The following LRP1B variants were observed in gnomAD, a reference collection of about 807,000 sequenced individuals.
The protein encoded by LRP1B is LDL receptor related protein 1B.
LRP1B carries 217 observed loss-of-function variants against 556.6 expected under a neutral mutation model. The observed-to-expected ratio is 0.39, with a 90% confidence interval of 0.35 to 0.44. The LOEUF (loss-of-function observed/expected upper bound fraction) is 0.44, where lower values mean the gene tolerates loss of function less well. Ranked by LOEUF, LRP1B falls within the 20% of genes least tolerant of loss-of-function variation. The probability of loss-of-function intolerance (pLI) is 1.00; values close to 1 mark genes in which losing one functional copy is unlikely to be tolerated. For synonymous variants in LRP1B, 2,047 were observed against 1,865.8 expected (o/e 1.10, Z -2.50); for missense variants, 5,053 against 5,620.8 (o/e 0.90, Z 3.23).
chr2:140,382,731 C>T (rs1051476808), intron 67 of LRP1B, among the ~76,000 whole-genome samples: 3 of 152,182 alleles, frequency 2.0e-5, no homozygotes, highest in African/African-American at 7.2e-5. Flanking sequence ...ATCTCCAACA[C>T]AATTTAAAAA....
chr2:141,173,328 C>A (rs1381977728), intron 7 of LRP1B, among the ~76,000 whole-genome samples: 3 of 152,082 alleles, frequency 2.0e-5, no homozygotes, highest in Non-Finnish European at 4.4e-5. Flanking sequence ...CTTCCATCCT[C>A]ACATAAACCA....
At chr2:141,173,252 A>G (rs967151673) in intron 7 of LRP1B, among the ~76,000 whole-genome samples, 1 of 152,048 alleles carries the variant, frequency 6.6e-6, no homozygotes, top group Non-Finnish European at 1.5e-5. Context: ...GAAGAATGTA[A>G]TTTTGTTCTC....
intron 41 of LRP1B, among the ~76,000 whole-genome samples, chr2:140,631,989 G>T (rs555101): frequency 0.083 from 12,636 of 151,900 alleles, 684 homozygotes; most frequent in East Asian, 0.18. Context: ...CAAAAAGACT[G>T]GTATGAAATA....
intron 3 of LRP1B, among the ~76,000 whole-genome samples, chr2:141,323,835 A>G (rs911196170): frequency 6.6e-6 from 1 of 151,824 alleles, no homozygotes; most frequent in African/African-American, 2.4e-5. Flanking sequence ...AATAGATGCC[A>G]TGGTAGTGCA....
At chr2:140,534,569 C>T (rs1262491912) in intron 46 of LRP1B, among the ~76,000 whole-genome samples, 3 of 152,066 alleles carry the variant, frequency 2.0e-5, no homozygotes, top group East Asian at 1.9e-4. Context: ...CAACAAAGCA[C>T]GTATTCCTGA....
chr2:141,672,221 C>T (rs1690699070), intron 2 of LRP1B, among the ~76,000 whole-genome samples: 1 of 151,952 alleles, frequency 6.6e-6, no homozygotes, highest in African/African-American at 2.4e-5. Context: ...ATAATAATGG[C>T]TAGAGTTTCC....
chr2:140,917,661 G>A (rs1354785094), intron 21 of LRP1B, among the ~76,000 whole-genome samples: 1 of 152,100 alleles, frequency 6.6e-6, no homozygotes, highest in African/African-American at 2.4e-5. Flanking sequence ...ACAGTAAAAA[G>A]ATCAGTAGCT....
chr2:141,953,732 T>C (rs1701173380), intron 1 of LRP1B, among the ~76,000 whole-genome samples: 1 of 152,136 alleles, frequency 6.6e-6, no homozygotes, highest in Non-Finnish European at 1.5e-5. Flanking sequence ...ATAACATCTT[T>C]AAAACTCCAC....
chr2:140,736,764 T>C (rs562848034), intron 35 of LRP1B, among the ~76,000 whole-genome samples: 1 of 152,288 alleles, frequency 6.6e-6, no homozygotes, highest in Non-Finnish European at 1.5e-5. Context: ...GAAGAAAGCC[T>C]AGACAATACC....
chr2:141,011,808 G>T lies in LRP1B; in HGVS notation c.2380+1748C>A, dbSNP rs141730834. Reference sequence around the variant, plus strand: ...AACATTGCACTATTATACATCAATGGCACCTTTCAGAACACCAAAAATATT... The same window carrying T: ...AACATTGCACTATTATACATCAATGTCACCTTTCAGAACACCAAAAATATT... On this transcript the variant is annotated intron_variant, in intron 14 of 90. Transcript: ENST00000389484. 9.8e-4 allele frequency among the ~76,000 whole-genome samples: 149 copies of T among 151,814 alleles called. 1 individual carries two copies. The highest frequency in any genetic ancestry group is 7.6e-3 in the Admixed American group (116 of 15,238).
intron 3 of LRP1B, among the ~76,000 whole-genome samples, chr2:141,416,275 A>G (rs568406970): frequency 6.6e-6 from 1 of 152,202 alleles, no homozygotes; most frequent in African/African-American, 2.4e-5. Flanking sequence ...TGGTTCTGCC[A>G]TTCATGAGGT....
rs72988192 is a variant in LRP1B at position 140,877,405 on chromosome 2, T to C, written c.4169+6412A>G. On this transcript the variant is annotated intron_variant, in intron 25 of 90. Transcript: ENST00000389484. ...TTAGCCACCTAGGAATAAAACATCA[T>C]AGCCATAAGAGATCAGATAAAACCT... Among the ~76,000 whole-genome samples, 384 of 152,268 alleles carry C rather than the reference T, an allele frequency of 2.5e-3. 1 individual carries two copies. The highest frequency in any genetic ancestry group is 8.9e-3 in the African/African-American group (372 of 41,570).
chr2:141,565,394 C>T (rs1686295653), intron 2 of LRP1B, among the ~76,000 whole-genome samples: 1 of 152,042 alleles, frequency 6.6e-6, no homozygotes, highest in African/African-American at 2.4e-5. Context: ...GCCTAAGGAA[C>T]TTGACATTAT....
chr2:141,830,604 G>C (rs1357229458), intron 1 of LRP1B, among the ~76,000 whole-genome samples: 1 of 151,730 alleles, frequency 6.6e-6, no homozygotes, highest in East Asian at 1.9e-4. Context: ...TCCTACCAGT[G>C]CCTGAAATAG....
At chr2:141,555,317 T>C (rs80117654) in intron 2 of LRP1B, among the ~76,000 whole-genome samples, 7,857 of 152,010 alleles carry the variant, frequency 0.052, 289 homozygotes, top group Middle Eastern at 0.082. Flanking sequence ...AACCAAGTAC[T>C]GTCAAATTAC....
At chr2:140,356,200 C>T (rs571500500) in intron 75 of LRP1B, 142 bp downstream of exon 75, 121 of 833,624 alleles carry the variant, frequency 1.5e-4, no homozygotes, top group Non-Finnish European at 2.2e-4. Context: ...CAGAGACTTT[C>T]ATTCTCATAA....
chr2:141,814,279 T>C (rs1696458728), intron 1 of LRP1B, among the ~76,000 whole-genome samples: 1 of 152,142 alleles, frequency 6.6e-6, no homozygotes. Flanking sequence ...GTGGGCTTTT[T>C]CTTATCTGGG....
At chr2:141,496,400 T>C (rs1683509680) in intron 2 of LRP1B, among the ~76,000 whole-genome samples, 3 of 152,038 alleles carry the variant, frequency 2.0e-5, no homozygotes, top group Admixed American at 2.0e-4. Context: ...CCAGGCAATG[T>C]CGGTGCTGCT....
intron 3 of LRP1B, among the ~76,000 whole-genome samples, chr2:141,387,019 A>G: frequency 6.6e-6 from 1 of 152,028 alleles, no homozygotes; most frequent in Non-Finnish European, 1.5e-5. Context: ...TCAAACCACA[A>G]TGGAATAAAG....
Sources: gnomAD v4.1 joint callset for allele counts (sites outside exome capture counted in the v4.1 genomes callset) on GRCh38, gnomAD v4.1.1 for gene constraint, MANE v1.5 for transcripts, NCBI Gene and HGNC (gene_info 2026-07-23, HGNC 2026-07-21) for gene names.